ATP13A5: variants seen among roughly 807,000 people sequenced by gnomAD.
The protein encoded by ATP13A5 is ATPase 13A5.
A neutral mutation model predicts 150.2 loss-of-function variants in ATP13A5; 149 were observed. The observed-to-expected ratio is 0.99, with a 90% CI of 0.87 to 1.14. ATP13A5 has a LOEUF of 1.14. Ranked by LOEUF, ATP13A5 falls within the 50% of genes most tolerant of loss-of-function variation. The pLI, the probability that ATP13A5 is intolerant of heterozygous loss-of-function variation, is 0.00. For synonymous variants in ATP13A5, 497 were observed against 522.2 expected (o/e 0.95, Z 0.66); for missense variants, 1,383 against 1,449.3 (o/e 0.95, Z 0.74).
chr3:193,328,751 A>G (rs1006016668), intron 12 of ATP13A5, among the ~76,000 whole-genome samples: 6 of 152,212 alleles, frequency 3.9e-5, no homozygotes, highest in African/African-American at 1.4e-4. Flanking sequence ...TAACAAACCA[A>G]TAGAAAATAG....
intron 25 of ATP13A5, among the ~76,000 whole-genome samples, chr3:193,294,311 A>G (rs1718079825): frequency 6.6e-6 from 1 of 152,146 alleles, no homozygotes; most frequent in South Asian, 2.1e-4. Context: ...TTTTTTTGAG[A>G]ATTATGTTCT....
At chr3:193,361,702 A>C (rs1426362954) in intron 5 of ATP13A5, among the ~76,000 whole-genome samples, 1 of 152,198 alleles carries the variant, frequency 6.6e-6, no homozygotes, top group Non-Finnish European at 1.5e-5. Context: ...ATAATAGCAT[A>C]AGCATTTCCT....
chr3:193,370,176 T>C (rs145017410), intron 1 of ATP13A5, among the ~76,000 whole-genome samples: 229 of 152,288 alleles, frequency 1.5e-3, no homozygotes, highest in African/African-American at 5.3e-3. Flanking sequence ...CCTAACAGTC[T>C]TTTTCTAGGC....
chr3:193,342,618 C>T (rs1712173067), intron 9 of ATP13A5, among the ~76,000 whole-genome samples: 1 of 152,190 alleles, frequency 6.6e-6, no homozygotes, highest in Non-Finnish European at 1.5e-5. Context: ...TGTTGAAAGG[C>T]AGCGTTGTTT....
chr3:193,367,387 G>A (rs1322649136), intron 1 of ATP13A5, among the ~76,000 whole-genome samples: 1 of 152,158 alleles, frequency 6.6e-6, no homozygotes, highest in Admixed American at 6.5e-5. Flanking sequence ...CAGAGAACTT[G>A]TGATTCCTTT....
At chr3:193,369,154 G>A (rs1268631615) in intron 1 of ATP13A5, among the ~76,000 whole-genome samples, 1 of 152,130 alleles carries the variant, frequency 6.6e-6, no homozygotes, top group Non-Finnish European at 1.5e-5. Flanking sequence ...AGAGGTGGGA[G>A]GATCGCTTGA....
At chr3:193,362,121 A>T (rs924194379) in intron 5 of ATP13A5, among the ~76,000 whole-genome samples, 16 of 152,302 alleles carry the variant, frequency 1.1e-4, no homozygotes, top group Admixed American at 4.6e-4. Context: ...AAGGAAAAAT[A>T]AAAAAACAAC....
At chr3:193,364,318 T>A in intron 1 of ATP13A5, 38 bp from the exon 2 acceptor site, 1 of 1,594,476 alleles carries the variant, frequency 6.3e-7, no homozygotes, top group Non-Finnish European at 8.5e-7. Context: ...TATTTTTCTT[T>A]TCTTCACATA....
At chr3:193,328,312 A>C (rs1414281640) in intron 12 of ATP13A5, among the ~76,000 whole-genome samples, 1 of 152,208 alleles carries the variant, frequency 6.6e-6, no homozygotes, top group Admixed American at 6.6e-5. Flanking sequence ...TTCACAAAGA[A>C]GGTGCTAACA....
chr3:193,336,285 C>T (rs151141036), intron 9 of ATP13A5, among the ~76,000 whole-genome samples: 2 of 152,154 alleles, frequency 1.3e-5, no homozygotes, highest in African/African-American at 2.4e-5. Flanking sequence ...ATGTGCACAA[C>T]ATGCAGGTTT....
chr3:193,330,939 C>T (rs914714981), intron 12 of ATP13A5, among the ~76,000 whole-genome samples, 184 bp downstream of exon 12: 1 of 152,140 alleles, frequency 6.6e-6, no homozygotes, highest in African/African-American at 2.4e-5. Context: ...AGCTGCTAAC[C>T]TTAAGAGTCA....
intron 26 of ATP13A5, among the ~76,000 whole-genome samples, chr3:193,285,537 C>T (rs1246867391): frequency 6.6e-6 from 1 of 152,174 alleles, no homozygotes; most frequent in African/African-American, 2.4e-5. Flanking sequence ...AAAATCTGAA[C>T]ATGACAGTCT....
chr3:193,354,033 T>C, intron 6 of ATP13A5, 94 bp downstream of exon 6: 1 of 974,506 alleles, frequency 1.0e-6, no homozygotes, highest in Non-Finnish European at 1.5e-6. Flanking sequence ...CAAGATATCA[T>C]TCACATCAAA....
chr3:193,305,045 A>C (rs1240240051), intron 23 of ATP13A5, among the ~76,000 whole-genome samples: 1 of 152,208 alleles, frequency 6.6e-6, no homozygotes. Context: ...CCACAACTCC[A>C]GATGAGATTT....
At chr3:193,314,734 A>G (rs1346020693) in intron 18 of ATP13A5, among the ~76,000 whole-genome samples, 1 of 152,188 alleles carries the variant, frequency 6.6e-6, no homozygotes, top group East Asian at 1.9e-4. Context: ...CACCGCACAG[A>G]TCCTGGCTGG....
chr3:193,295,227 A>G (rs184986680), intron 25 of ATP13A5, among the ~76,000 whole-genome samples: 88 of 152,206 alleles, frequency 5.8e-4, no homozygotes, highest in African/African-American at 2.0e-3. Context: ...GTGTGGTCAC[A>G]TTAAAAGCTC....
At chr3:193,298,273 A>T (rs973956555) in intron 25 of ATP13A5, among the ~76,000 whole-genome samples, 3 of 152,108 alleles carry the variant, frequency 2.0e-5, no homozygotes, top group Non-Finnish European at 4.4e-5. Context: ...TTGATTCAAA[A>T]TTATTCAGTC....
In ATP13A5 at chr3:193,344,020, C is replaced by T. The variant is rs147928745; in HGVS notation, c.850G>A (p.Gly284Arg). The T allele has an allele frequency of 4.6e-5, 75 of 1,613,170 alleles. No individual in the cohort carries two copies. Among genetic ancestry groups the T allele is most frequent in the African/African-American group, 1.3e-4 (10 of 74,852 alleles). The change falls in exon 9 of 30, where the codon GGA becomes AGA. Residue 284 changes from glycine (G) to arginine (R), a missense_variant. Physicochemically the swap from Gly to Arg is moderately radical, Grantham distance 125. This residue lies in a region of ATP13A5 where 787 missense variants were observed against 771.9 expected (regional missense o/e 1.02). Transcript: ENST00000342358. The stretch of plus-strand genomic sequence containing the variant: ...TTTCCTGGAAGAATAAGAATGTCTC[C>T]GGGAACCAAGAGACGGGATTCCAGC... ...EELESRLLVP[G>R]DILILPGKFS...
chr3:193,293,669 C>A (rs1249517289), intron 25 of ATP13A5, among the ~76,000 whole-genome samples: 1 of 151,996 alleles, frequency 6.6e-6, no homozygotes, highest in Non-Finnish European at 1.5e-5. Context: ...ACTTTTTATT[C>A]CAAACACTGA....
Sources: allele counts gnomAD v4.1 joint callset (sites outside exome capture counted in the v4.1 genomes callset), GRCh38; gene constraint gnomAD v4.1.1; regional missense constraint gnomAD v4.1.1; transcripts MANE v1.5; gene names NCBI Gene and HGNC (gene_info 2026-07-23, HGNC 2026-07-21).